The following HAO1 variants were observed in gnomAD, a reference collection of about 807,000 sequenced individuals.
The protein encoded by HAO1 is hydroxyacid oxidase 1.
HAO1 carries 34 observed loss-of-function variants against 39.7 expected under a neutral mutation model. That is an observed-to-expected ratio of 0.86 (90% CI 0.65 to 1.14). The LOEUF (loss-of-function observed/expected upper bound fraction) is 1.14, where lower values mean the gene tolerates loss of function less well. Among genes scored for constraint, HAO1 ranks in the 50% most tolerant of loss-of-function variants. The probability of loss-of-function intolerance (pLI) is 0.00; values close to 1 mark genes in which losing one functional copy is unlikely to be tolerated. For synonymous variants in HAO1, 172 were observed against 173.2 expected, an observed-to-expected ratio of 0.99 and a Z score of 0.05; for missense variants, 479 against 464.5, an observed-to-expected ratio of 1.03 and a Z score of -0.29.
chr20:7,919,073 C>T (rs1164909328), intron 2 of HAO1, among the ~76,000 whole-genome samples: 1 of 152,192 alleles, frequency 6.6e-6, no homozygotes, highest in Non-Finnish European at 1.5e-5. Context: ...CAAAATGGAG[C>T]TCACAGCTGA....
rs1040216688 is a variant in HAO1, at chr20:7,940,356, T to C, written c.67A>G (p.Ile23Val). 5 of 1,612,330 alleles carry C rather than the reference T, an allele frequency of 3.1e-6. No homozygotes were observed. The highest frequency in any genetic ancestry group is 2.2e-5 in the East Asian group (1 of 44,832). ...QHAKSVLPKSIYDYYRSGAND... is the reference protein window; with the variant it reads ...QHAKSVLPKSVYDYYRSGAND... ...GCCCCAGACCTGTAATAGTCATATATAGACTTTGGAAGTACTGATTTAGCA... is the reference window on the plus strand; with the variant it reads ...GCCCCAGACCTGTAATAGTCATATACAGACTTTGGAAGTACTGATTTAGCA... The change falls in exon 1 of 8, where the codon ATA (isoleucine) becomes GTA (valine). Residue 23 changes from isoleucine to valine, a missense_variant. Transcript: ENST00000378789.
rs141239412 is a variant in HAO1, at chr20:7,907,229, C to T, written c.546-900G>A. On this transcript the variant is annotated intron_variant, in intron 3 of 7. Transcript: ENST00000378789. ...TCTCTAATCTTCCAGACAAGTTTGA[C>T]AACGACAAGAGCTTTTCAATTATCA... 2.6e-3 allele frequency among the ~76,000 whole-genome samples: 391 copies of T among 152,324 alleles called. 4 individuals carry two copies. Among genetic ancestry groups the T allele is most frequent in the African/African-American group, 8.6e-3 (357 of 41,576 alleles).
At chr20:7,934,702 A>G (rs953892802) in intron 1 of HAO1, 67 bp from the exon 2 acceptor site, 25 of 941,480 alleles carry the variant, frequency 2.7e-5, no homozygotes, top group African/African-American at 8.6e-5. Context: ...AAACTTTGAC[A>G]TTACATTTTA....
intron 3 of HAO1, among the ~76,000 whole-genome samples, chr20:7,912,705 T>C (rs2050285787): frequency 6.6e-6 from 1 of 152,206 alleles, no homozygotes. Context: ...GAGGCTTTTG[T>C]TTTTGTTCTC....
chr20:7,886,853 A>G lies in HAO1; in HGVS notation c.814-989T>C, dbSNP rs372034021. On this transcript the variant is annotated intron_variant, in intron 5 of 7. Transcript: ENST00000378789. ...CTGAGCATAGGCCTTAAGCAACCTC[A>G]TGTATTCCCACTTACTTTTTTGCAC... 6.6e-5 allele frequency among the ~76,000 whole-genome samples: 10 copies of G among 152,252 alleles called. 1 individual carries two copies. In the East Asian group the frequency reaches 1.5e-3, roughly 24 times the overall value.
intron 2 of HAO1, among the ~76,000 whole-genome samples, chr20:7,920,671 A>G (rs893450575): frequency 3.9e-5 from 6 of 152,106 alleles, no homozygotes; most frequent in African/African-American, 1.4e-4. Flanking sequence ...AAGTAAGATC[A>G]TATAGTATCT....
intron 4 of HAO1, among the ~76,000 whole-genome samples, chr20:7,904,770 ATGAG>A (rs1365205270): frequency 2.0e-5 from 3 of 152,316 alleles, no homozygotes; most frequent in South Asian, 2.1e-4. Flanking sequence ...TATGGAATGA[ATGAG>A]TGAGTGAATA....
intron 5 of HAO1, 130 bp downstream of exon 5, chr20:7,895,003 C>T: frequency 3.1e-6 from 2 of 655,322 alleles, no homozygotes; most frequent in South Asian, 2.1e-5. Context: ...CAAGATCTCA[C>T]ATATTTGCAC....
intron 4 of HAO1, among the ~76,000 whole-genome samples, chr20:7,896,524 AT>A (rs200487344): frequency 0.014 from 2,181 of 152,146 alleles, 26 homozygotes; most frequent in Non-Finnish European, 0.02. Flanking sequence ...AACTATTCTT[AT>A]TTTTTTCAAA....
intron 2 of HAO1, among the ~76,000 whole-genome samples, chr20:7,919,247 C>T (rs905024867): frequency 3.9e-5 from 6 of 152,172 alleles, no homozygotes; most frequent in Non-Finnish European, 8.8e-5. Context: ...TATGAAATCC[C>T]AGGACTCTCT....
At chr20:7,892,591 CTT>C (rs2050179218) in intron 5 of HAO1, among the ~76,000 whole-genome samples, 1 of 152,124 alleles carries the variant, frequency 6.6e-6, no homozygotes, top group Non-Finnish European at 1.5e-5. Context: ...TTGTTCTACT[CTT>C]TTTCCAGTTG....
intron 2 of HAO1, among the ~76,000 whole-genome samples, chr20:7,914,682 A>G (rs2122777705): frequency 6.6e-6 from 1 of 152,248 alleles, no homozygotes; most frequent in Admixed American, 6.5e-5. Flanking sequence ...CACTTTGTAT[A>G]TTGTTCCTGA....
chr20:7,892,449 G>C (rs756854430), intron 5 of HAO1, among the ~76,000 whole-genome samples: 10 of 152,098 alleles, frequency 6.6e-5, no homozygotes, highest in Admixed American at 4.6e-4. Flanking sequence ...AAAACTCAAC[G>C]CAATATGCAC....
intron 5 of HAO1, among the ~76,000 whole-genome samples, chr20:7,890,205 G>GT (rs113483736): frequency 0.12 from 18,244 of 150,806 alleles, 3,201 homozygotes; most frequent in African/African-American, 0.39. Flanking sequence ...GTTATGGTTT[G>GT]TTTTTTTTTG....
In HAO1 at chr20:7,914,308, T is replaced by C; in HGVS notation, c.401A>G (p.Tyr134Cys). The C allele has an allele frequency of 6.2e-7, 1 of 1,614,048 alleles. No individual in the cohort carries two copies. Among genetic ancestry groups the C allele is most frequent in the Non-Finnish European group, 8.5e-7 (1 of 1,179,976 alleles). Residue 134 changes from tyrosine (Y) to cysteine (C), a missense_variant, in exon 3 of 8, where the codon TAC (tyrosine) becomes TGC (cysteine). Tyr to Cys is a radical substitution (Grantham distance 194, BLOSUM62 -2). Transcript: ENST00000378789. ...EALRWLQLYIYKDREVTKKLV... is the reference protein window; with the variant it reads ...EALRWLQLYICKDREVTKKLV... ...CTTCTTGGTGACTTCTCGGTCCTTG[T>C]AGATATACAGTTGCAGCCAACGAAG...
intron 2 of HAO1, among the ~76,000 whole-genome samples, chr20:7,928,129 G>T (rs1211679543): frequency 1.3e-5 from 2 of 152,194 alleles, no homozygotes; most frequent in East Asian, 3.8e-4. Context: ...TTTAGCAATA[G>T]TCAGAGATAG....
chr20:7,911,327 A>G (rs2050278599), intron 3 of HAO1, among the ~76,000 whole-genome samples: 1 of 152,236 alleles, frequency 6.6e-6, no homozygotes, highest in South Asian at 2.1e-4. Flanking sequence ...GGCAAATCAT[A>G]GAAAGGATAA....
intron 1 of HAO1, among the ~76,000 whole-genome samples, chr20:7,936,239 C>CA (rs1186248892): frequency 2.6e-5 from 4 of 152,054 alleles, no homozygotes; most frequent in Non-Finnish European, 5.9e-5. Context: ...TATGCCACAC[C>CA]ACATGCTCTG....
At chr20:7,898,780 T>G (rs2050208436) in intron 4 of HAO1, among the ~76,000 whole-genome samples, 1 of 152,146 alleles carries the variant, frequency 6.6e-6, no homozygotes, top group African/African-American at 2.4e-5. Flanking sequence ...ACCTTCAATG[T>G]TTCCATGAGC....
Sources: allele counts gnomAD v4.1 joint callset (sites outside exome capture counted in the v4.1 genomes callset), GRCh38; gene constraint gnomAD v4.1.1; transcripts MANE v1.5; gene names NCBI Gene and HGNC (gene_info 2026-07-23, HGNC 2026-07-21).